Variants in ZHX3 observed in about 807,000 individuals in gnomAD.
The protein encoded by ZHX3 is zinc fingers and homeoboxes 3.
Under a neutral mutation model 64.5 loss-of-function variants are expected in ZHX3, and 20 were observed. The ratio of observed to expected loss-of-function variants is 0.31; its 90% CI spans 0.22 to 0.45. The LOEUF is 0.45. Among genes scored for constraint, ZHX3 ranks in the 20% least tolerant of loss-of-function variants. The pLI is 1.00. For missense variants in ZHX3, 1,041 were observed against 1,195.8 expected (o/e 0.87, Z 1.91); for synonymous variants, 423 against 461.6 (o/e 0.92, Z 1.07).
intron 1 of ZHX3, among the ~76,000 whole-genome samples, chr20:41,287,903 A>C (rs185556498): frequency 2.6e-5 from 4 of 152,376 alleles, no homozygotes; most frequent in Non-Finnish European, 5.9e-5. Flanking sequence ...AATAGATAAT[A>C]TACTCTCATG....
intron 2 of ZHX3, among the ~76,000 whole-genome samples, chr20:41,222,561 A>C (rs1324305814): frequency 1.3e-5 from 2 of 152,188 alleles, no homozygotes; most frequent in Non-Finnish European, 2.9e-5. Flanking sequence ...ATCTACAGAG[A>C]AACTACAGAA....
rs2036183798 is a variant in ZHX3, at chr20:41,179,872, CGCCTCCCTTG to C, written c.*5309_*5318del. The C allele has an allele frequency of 6.6e-6, 1 of 152,236 alleles. No homozygotes were observed. The highest frequency in any genetic ancestry group is 2.1e-4 in the South Asian group (1 of 4,828). The allele number at this position is 152,236 out of a possible 1,614,324, so 9.4% of individuals were successfully genotyped here. A position where few individuals can be genotyped will look rare whatever the true frequency, so the allele number is the denominator to read the frequency against. ...CTCGAACTCCTGACCTCAGGTGATC[CGCCTCCCTTG>C]GCCTCCCAAAGTGCTGGGATTACAG... is the stretch of plus-strand genomic sequence containing the variant. On this transcript the variant is annotated 3_prime_UTR_variant, in exon 4 of 4. Coordinates refer to ENST00000683867, the MANE Select transcript of ZHX3 (RefSeq NM_001384317.1). The surrounding 1 kb of genome is among the most constrained non-coding windows in gnomAD (Gnocchi z 4.3).
At chr20:41,194,935 TAAGTC>T (rs1380701669) in intron 3 of ZHX3, among the ~76,000 whole-genome samples, 1 of 152,194 alleles carries the variant, frequency 6.6e-6, no homozygotes, top group Non-Finnish European at 1.5e-5. Context: ...GTTAGTAATT[TAAGTC>T]TTCTCTTTCA....
chr20:41,295,260 T>G (rs2044449930), intron 1 of ZHX3, among the ~76,000 whole-genome samples: 1 of 152,126 alleles, frequency 6.6e-6, no homozygotes, highest in African/African-American at 2.4e-5. Context: ...AACACTTCAG[T>G]AGAATGCAAT....
intron 1 of ZHX3, among the ~76,000 whole-genome samples, chr20:41,272,779 TGATA>T (rs1415141931): frequency 1.3e-5 from 2 of 152,214 alleles, no homozygotes; most frequent in Non-Finnish European, 2.9e-5. Context: ...ATTCATTCAT[TGATA>T]GACATTTGGG....
chr20:41,311,206 T>C (rs1012634312), intron 1 of ZHX3, among the ~76,000 whole-genome samples: 4 of 152,222 alleles, frequency 2.6e-5, no homozygotes, highest in Non-Finnish European at 5.9e-5. Flanking sequence ...CTCTAAATTG[T>C]TGATGAGTTT....
chr20:41,201,005 G>T lies in ZHX3; in HGVS notation c.2860+1052C>A, dbSNP rs1040448601. The stretch of plus-strand genomic sequence containing the variant: ...CAGGCCAAAATAAACAAACAACAAT[G>T]GTTGGCTATTGTATGGAAACAATGC... On this transcript the variant is annotated intron_variant, in intron 3 of 3. Transcript: ENST00000683867. This position sits in a 1 kb window ranked among gnomAD's most constrained non-coding sequence, Gnocchi z 5.0. Among the ~76,000 whole-genome samples, 1 of 152,174 alleles carries T rather than the reference G, an allele frequency of 6.6e-6. No homozygotes were observed. The highest frequency in any genetic ancestry group is 2.4e-5 in the African/African-American group (1 of 41,442).
chr20:41,217,493 A>G (rs1377247303), intron 2 of ZHX3, among the ~76,000 whole-genome samples: 2 of 152,208 alleles, frequency 1.3e-5, no homozygotes, highest in Admixed American at 1.3e-4. Flanking sequence ...TTTTTAAAAA[A>G]CATTCTGTTT....
At position 41,204,208 on chromosome 20, in the gene ZHX3, C is replaced by T. The variant is rs1371383291; in HGVS notation, c.709G>A (p.Val237Ile). The change falls in exon 3 of 4, where the codon GTT becomes ATT. Residue 237 changes from valine (V) to isoleucine (I), a missense_variant. Coordinates refer to ENST00000683867, the MANE Select transcript of ZHX3 (RefSeq NM_001384317.1). The surrounding 1 kb of genome is among the most constrained non-coding windows in gnomAD (Gnocchi z 6.6). ...CTGGCAGATGCCTGGCTGACTGGAA[C>T]TGCCCCATTGATGAAGGAATGGTCC... ...EGDHSFINGA[V>I]PVSQASASSA... 1 of 1,612,256 alleles carries T rather than the reference C, an allele frequency of 6.2e-7. No homozygotes were observed. The highest frequency in any genetic ancestry group is 1.7e-5 in the Admixed American group (1 of 59,900).
intron 3 of ZHX3, among the ~76,000 whole-genome samples, chr20:41,189,610 T>C (rs185782809): frequency 1.3e-5 from 2 of 152,328 alleles, no homozygotes; most frequent in East Asian, 3.9e-4. Context: ...GTAAATCAGA[T>C]TACCTTCTTG....
chr20:41,271,452 T>C (rs2043145765), intron 1 of ZHX3, among the ~76,000 whole-genome samples: 1 of 152,224 alleles, frequency 6.6e-6, no homozygotes, highest in South Asian at 2.1e-4. Context: ...TTGATTCAGA[T>C]GATGCCAAAA....
chr20:41,317,387 G>A, intron 1 of ZHX3, 122 bp downstream of exon 1: 1 of 153,046 alleles, frequency 6.5e-6, no homozygotes. Context: ...CCGGCCGCGG[G>A]CCAGGCGTGG....
At position 41,202,135 on chromosome 20, in the gene ZHX3, C is replaced by T; in HGVS notation, c.2782G>A (p.Glu928Lys). The change falls in exon 3 of 4, where the codon GAG becomes AAG. Residue 928 changes from glutamate (E) to lysine (K), a missense_variant. Physicochemically the swap from Glu to Lys is moderately conservative, Grantham distance 56. This residue lies in a region of ZHX3 where 649 missense variants were observed against 739.8 expected (regional missense o/e 0.88). Transcript: ENST00000683867. This position sits in a 1 kb window ranked among gnomAD's most constrained non-coding sequence, Gnocchi z 7.0. ...TCAGGGACACGGGGCTCCCACGACT[C>T]ACTGTTCTCAGACACCTCTGAATAG... is the stretch of plus-strand genomic sequence containing the variant. ...DTYSEVSENS[E>K]SWEPRVPEAS... The T allele has an allele frequency of 6.2e-7, 1 of 1,614,118 alleles. No homozygotes were observed. Among genetic ancestry groups the T allele is most frequent in the Non-Finnish European group, 8.5e-7 (1 of 1,180,008 alleles).
chr20:41,202,467 T>C lies in ZHX3; in HGVS notation c.2450A>G (p.Tyr817Cys), dbSNP rs1568810166. 2.5e-6 allele frequency: 4 copies of C among 1,614,078 alleles called. No individual in the cohort carries two copies. In the Admixed American group the frequency reaches 5.0e-5, roughly 20 times the overall value. Residue 817 changes from tyrosine to cysteine, a missense_variant, in exon 3 of 4, where the codon TAC (tyrosine) becomes TGC (cysteine). Around this residue, in one of 4 missense-constraint regions of ZHX3, gnomAD observed 649 missense variants for 739.8 expected, o/e 0.88. Coordinates refer to ENST00000683867, the MANE Select transcript of ZHX3 (RefSeq NM_001384317.1). This position sits in a 1 kb window ranked among gnomAD's most constrained non-coding sequence, Gnocchi z 7.0. Reference protein sequence around the residue: ...EVVRWFGDSRYALKNGQLKWY... With the variant: ...EVVRWFGDSRCALKNGQLKWY... ...TTTGAGTTGGCCGTTCTTCAGTGCGTACCTGCTATCTCCAAACCAGCGCAC... is the reference window on the plus strand; with the variant it reads ...TTTGAGTTGGCCGTTCTTCAGTGCGCACCTGCTATCTCCAAACCAGCGCAC...
Position 41,187,452 on chromosome 20 carries a change from T to G in ZHX3, c.2861-2251A>C, listed in dbSNP as rs545421317. ...TTGATCTATTTTAAGTAAATTTCTG[T>G]ATATAGTACAAGGTAAGAGTATAAT... is the stretch of plus-strand genomic sequence containing the variant. On this transcript the variant is annotated intron_variant, in intron 3 of 3. Coordinates refer to ENST00000683867, the MANE Select transcript of ZHX3 (RefSeq NM_001384317.1). 4.9e-4 allele frequency among the ~76,000 whole-genome samples: 74 copies of G among 152,294 alleles called. 1 individual carries two copies. Among genetic ancestry groups the G allele is most frequent in the African/African-American group, 1.8e-3 (74 of 41,566 alleles).
chr20:41,279,073 A>C (rs1013332994), intron 1 of ZHX3, among the ~76,000 whole-genome samples: 7 of 152,182 alleles, frequency 4.6e-5, no homozygotes, highest in African/African-American at 1.4e-4. Flanking sequence ...CACTGCACCC[A>C]GACTGTTTAT....
chr20:41,255,689 A>T (rs1225074534), intron 2 of ZHX3, among the ~76,000 whole-genome samples: 2 of 152,236 alleles, frequency 1.3e-5, no homozygotes, highest in Non-Finnish European at 2.9e-5. Flanking sequence ...GGAAGAGGCT[A>T]CTAACACTGT....
At chr20:41,271,128 C>T (rs2043127708) in intron 1 of ZHX3, among the ~76,000 whole-genome samples, 2 of 152,232 alleles carry the variant, frequency 1.3e-5, no homozygotes, top group Non-Finnish European at 2.9e-5. Context: ...CCAAGCATTT[C>T]TCCTGCCTCA....
intron 2 of ZHX3, among the ~76,000 whole-genome samples, chr20:41,216,482 T>C (rs1378492531): frequency 6.6e-6 from 1 of 152,240 alleles, no homozygotes; most frequent in Non-Finnish European, 1.5e-5. Flanking sequence ...TATTTTTACA[T>C]CCTATTTTGA....
Sources: gnomAD v4.1 joint callset for allele counts (sites outside exome capture counted in the v4.1 genomes callset) on GRCh38, gnomAD v4.1.1 for gene constraint, gnomAD v4.1.1 regional missense constraint, Gnocchi (gnomAD v3.1) non-coding constraint, MANE v1.5 for transcripts, NCBI Gene and HGNC (gene_info 2026-07-23, HGNC 2026-07-21) for gene names.